Variants in AKAP19 observed in about 807,000 individuals in gnomAD.
AKAP19 encodes the protein A-kinase anchoring protein 19.
the AKAP19 span, chr2:190,062,359 G>C: frequency 1.2e-5 from 19 of 1,613,278 alleles, no homozygotes; most frequent in East Asian, 2.2e-5. Flanking sequence ...TTGGGTAAAA[G>C]TTGTCTTATA....
chr2:189,987,427 T>G, the AKAP19 span, among the ~76,000 whole-genome samples: 10 of 152,188 alleles, frequency 6.6e-5, no homozygotes, highest in Non-Finnish European at 1.5e-4. Flanking sequence ...CTAAGGTTTT[T>G]GGGGAATTAC....
chr2:190,031,795 T>C, the AKAP19 span, among the ~76,000 whole-genome samples: 1 of 152,188 alleles, frequency 6.6e-6, no homozygotes, highest in African/African-American at 2.4e-5. Flanking sequence ...ACTTCCACTG[T>C]CCTGGAAAGA....
At chr2:190,059,253 T>G in the AKAP19 span, among the ~76,000 whole-genome samples, 1 of 151,868 alleles carries the variant, frequency 6.6e-6, no homozygotes, top group African/African-American at 2.4e-5. Flanking sequence ...GAAATTTAGG[T>G]AAGCCAGAAG....
At chr2:190,069,175 T>TGTGTGTGTGAGA in the AKAP19 span, among the ~76,000 whole-genome samples, 78 of 123,528 alleles carry the variant, frequency 6.3e-4, 1 homozygote, top group African/African-American at 2.2e-3. Flanking sequence ...TGTGTGTGTG[T>TGTGTGTGTGAGA]GAGAGAGAGA....
the AKAP19 span, among the ~76,000 whole-genome samples, chr2:190,197,323 T>C: frequency 9.2e-5 from 14 of 152,140 alleles, no homozygotes; most frequent in Non-Finnish European, 1.5e-4. The surrounding 1 kb of genome is among the most constrained non-coding windows in gnomAD (Gnocchi z 4.0). Flanking sequence ...TTCAATGAGA[T>C]TGCTCCACTC....
chr2:189,947,834 A>G, the AKAP19 span, among the ~76,000 whole-genome samples: 4 of 152,126 alleles, frequency 2.6e-5, no homozygotes, highest in East Asian at 7.7e-4. Flanking sequence ...TTTCAAATCT[A>G]TGTGAAGAAT....
the AKAP19 span, among the ~76,000 whole-genome samples, chr2:190,092,607 T>C: frequency 6.6e-6 from 1 of 152,150 alleles, no homozygotes; most frequent in Admixed American, 6.5e-5. Flanking sequence ...CTCAGAACAA[T>C]ATGTATATGT....
At chr2:189,953,585 G>T in the AKAP19 span, among the ~76,000 whole-genome samples, 1,513 of 135,430 alleles carry the variant, frequency 0.011, 21 homozygotes, top group African/African-American at 0.042. Flanking sequence ...AGTGAGCCCA[G>T]ATTGCACCAT....
At chr2:190,194,729 T>C in the AKAP19 span, among the ~76,000 whole-genome samples, 1 of 152,336 alleles carries the variant, frequency 6.6e-6, no homozygotes, top group East Asian at 1.9e-4. Context: ...CACTGGTCTT[T>C]TTACTGTCTC....
chr2:190,014,417 T>G, the AKAP19 span, among the ~76,000 whole-genome samples: 1 of 152,132 alleles, frequency 6.6e-6, no homozygotes, highest in Admixed American at 6.5e-5. Context: ...CTCATGAAAA[T>G]TCACTCACTA....
At chr2:189,906,344 G>A in the AKAP19 span, among the ~76,000 whole-genome samples, 13 of 151,826 alleles carry the variant, frequency 8.6e-5, no homozygotes, top group Admixed American at 6.6e-4. Flanking sequence ...AATATAAAAG[G>A]AGAAAATGAA....
the AKAP19 span, among the ~76,000 whole-genome samples, chr2:190,055,318 G>C: frequency 2.0e-4 from 26 of 130,990 alleles, no homozygotes; most frequent in East Asian, 6.8e-3. Flanking sequence ...ATCACACACC[G>C]GGGCCTGTTG....
the AKAP19 span, among the ~76,000 whole-genome samples, chr2:190,195,091 T>G: frequency 6.6e-6 from 1 of 152,186 alleles, no homozygotes; most frequent in African/African-American, 2.4e-5. Context: ...CTTGAACTCC[T>G]GGGCTCAAAT....
the AKAP19 span, among the ~76,000 whole-genome samples, chr2:190,122,035 T>A: frequency 2.0e-5 from 3 of 152,230 alleles, no homozygotes; most frequent in Non-Finnish European, 4.4e-5. Flanking sequence ...CTGAACTGAT[T>A]GATAAACTGA....
chr2:189,879,940 C>G, the AKAP19 span: 16,687 of 152,264 alleles, frequency 0.11, 1,358 homozygotes, highest in African/African-American at 0.21. Context: ...GCAGGCCCCT[C>G]TTGAACATGT....
At chr2:190,182,114 C>T in the AKAP19 span, among the ~76,000 whole-genome samples, 1 of 152,208 alleles carries the variant, frequency 6.6e-6, no homozygotes, top group African/African-American at 2.4e-5. Context: ...CTCTGTAGCA[C>T]TCCTGACAGG....
chr2:189,944,203 G>C, the AKAP19 span, among the ~76,000 whole-genome samples: 1 of 152,138 alleles, frequency 6.6e-6, no homozygotes, highest in African/African-American at 2.4e-5. Context: ...TGGAGCGGGG[G>C]CCTGGTGGTA....
chr2:190,158,188 A>G, the AKAP19 span, among the ~76,000 whole-genome samples: 1 of 152,166 alleles, frequency 6.6e-6, no homozygotes, highest in African/African-American at 2.4e-5. Context: ...GTGAGCCCTT[A>G]AAGGGGACAG....
chr2:190,029,603 A>G, the AKAP19 span, among the ~76,000 whole-genome samples: 1 of 152,172 alleles, frequency 6.6e-6, no homozygotes, highest in Non-Finnish European at 1.5e-5. Context: ...TTTTAGTTGT[A>G]AAAGGTCAGG....
Sources: allele counts gnomAD v4.1 joint callset (sites outside exome capture counted in the v4.1 genomes callset), GRCh38; gene constraint gnomAD v4.1.1; non-coding constraint Gnocchi (gnomAD v3.1); transcripts MANE v1.5; gene names NCBI Gene and HGNC (gene_info 2026-07-23, HGNC 2026-07-21).